MEX3C: variants seen among roughly 807,000 people sequenced by gnomAD.
MEX3C encodes the protein RNA-binding E3 ubiquitin-protein ligase MEX3C.
Under a neutral mutation model 35.5 loss-of-function variants are expected in MEX3C, and 15 were observed. The observed-to-expected ratio is 0.42, with a 90% confidence interval of 0.28 to 0.65. The LOEUF (loss-of-function observed/expected upper bound fraction) is 0.65, where lower values mean the gene tolerates loss of function less well. MEX3C is among the 30% of genes least tolerant of loss of function. The pLI is 0.20. For synonymous variants in MEX3C, 390 were observed against 352.8 expected (o/e 1.11, Z -1.18); for missense variants, 711 against 842.8 (o/e 0.84, Z 1.94).
intron 1 of MEX3C, among the ~76,000 whole-genome samples, chr18:51,191,899 A>C (rs17664213): frequency 0.36 from 54,196 of 152,050 alleles, 10,783 homozygotes; most frequent in Non-Finnish European, 0.45. Context: ...AGACTGTCAC[A>C]GGCAGTTTGG....
Position 51,197,024 on chromosome 18 carries a change from C to T in MEX3C, c.297G>A (p.Gly99=), listed in dbSNP as rs902158394. The T allele has an allele frequency of 3.9e-6, 6 of 1,519,974 alleles. No homozygotes were observed. The East Asian group carries it at 1.1e-4, about 27-fold the overall frequency. 94.2% of individuals were successfully genotyped at this position (1,519,974 alleles called of 1,614,324 possible). Residue 99 remains glycine, a synonymous_variant, in exon 1 of 2, where the codon GGG becomes GGA. Coordinates refer to ENST00000406189, the MANE Select transcript of MEX3C (RefSeq NM_016626.5). ...PEERAPPGRP[G]APEAAELELE... ...GCTCCAGCTCGGCCGCCTCCGGGGCCCCGGGCCGGCCGGGCGGAGCCCGCT... is the reference window on the plus strand; with the variant it reads ...GCTCCAGCTCGGCCGCCTCCGGGGCTCCGGGCCGGCCGGGCGGAGCCCGCT...
intron 1 of MEX3C, chr18:51,194,092 G>A (rs773488896): frequency 5.3e-5 from 8 of 152,236 alleles, no homozygotes; most frequent in Non-Finnish European, 1.0e-4. Context: ...ACTTAGGACA[G>A]ATTCTCTCCC....
intron 1 of MEX3C, among the ~76,000 whole-genome samples, chr18:51,179,254 C>T (rs186533570): frequency 1.8e-4 from 27 of 152,262 alleles, no homozygotes; most frequent in Non-Finnish European, 2.4e-4. Flanking sequence ...CTGCCTGCCT[C>T]GGCCTCCCAA....
chr18:51,186,103 A>C (rs1912531749), intron 1 of MEX3C, among the ~76,000 whole-genome samples: 1 of 152,186 alleles, frequency 6.6e-6, no homozygotes, highest in Admixed American at 6.5e-5. Context: ...GCATTTTATC[A>C]ATTGTGAGAT....
intron 1 of MEX3C, among the ~76,000 whole-genome samples, chr18:51,178,608 T>G (rs893262051): frequency 6.6e-6 from 1 of 152,000 alleles, no homozygotes; most frequent in Non-Finnish European, 1.5e-5. Context: ...CCCAGCACTT[T>G]GGGAGGGTGA....
At chr18:51,193,279 T>C (rs1301623926) in intron 1 of MEX3C, 4 of 152,150 alleles carry the variant, frequency 2.6e-5, no homozygotes, top group African/African-American at 9.7e-5. Context: ...ACATAGACCA[T>C]TAATTAAAGT....
intron 1 of MEX3C, among the ~76,000 whole-genome samples, chr18:51,187,711 AAAAAAC>A (rs1471355967): frequency 1.3e-5 from 2 of 152,136 alleles, no homozygotes; most frequent in Non-Finnish European, 2.9e-5. Context: ...TCCGTCTCAA[AAAAAAC>A]AAAAACAAAA....
chr18:51,181,890 T>C (rs1187301003), intron 1 of MEX3C, among the ~76,000 whole-genome samples: 1 of 152,206 alleles, frequency 6.6e-6, no homozygotes, highest in African/African-American at 2.4e-5. Context: ...AAATTAAATA[T>C]ACAGAAATGA....
At chr18:51,196,147 T>C (rs933149581) in intron 1 of MEX3C, 90 of 223,186 alleles carry the variant, frequency 4.0e-4, no homozygotes, top group Middle Eastern at 1.8e-3. Flanking sequence ...CAAGTTCTTG[T>C]AAGGGAGGCT....
At chr18:51,182,294 AG>A (rs1295183218) in intron 1 of MEX3C, among the ~76,000 whole-genome samples, 1 of 145,656 alleles carries the variant, frequency 6.9e-6, no homozygotes, top group Admixed American at 7.0e-5. Context: ...CTGTTGGATA[AG>A]GGGGGGACTA....
At position 51,176,958 on chromosome 18, in the gene MEX3C, T is replaced by C. The variant is rs1300884118; in HGVS notation, c.1373A>G (p.Tyr458Cys). Residue 458 changes from tyrosine to cysteine, a missense_variant, in exon 2 of 2, where the codon TAC (tyrosine) becomes TGC (cysteine). By Grantham distance (194) the Tyr-to-Cys change is radical (BLOSUM62 -2). This residue lies in a region of MEX3C where 187 missense variants were observed against 201.7 expected (regional missense o/e 0.93). Transcript: ENST00000406189. ...SSLGSGSTDS[Y>C]FGSNRLADFS... The stretch of plus-strand genomic sequence containing the variant: ...GTCAGCCAGCCTATTGCTTCCAAAG[T>C]AGGAATCTGTAGAGCCACTTCCTAG... 13 of 1,613,890 alleles carry C rather than the reference T, an allele frequency of 8.1e-6. No homozygotes were observed. Among genetic ancestry groups the C allele is most frequent in the Non-Finnish European group, 1.1e-5 (13 of 1,179,896 alleles).
chr18:51,182,182 G>A (rs988236741), intron 1 of MEX3C, among the ~76,000 whole-genome samples: 10 of 152,120 alleles, frequency 6.6e-5, no homozygotes, highest in African/African-American at 2.4e-4. Context: ...TAAATCAAAT[G>A]TTATCACAGG....
At chr18:51,193,148 GCA>G (rs1430523736) in intron 1 of MEX3C, 1 of 152,126 alleles carries the variant, frequency 6.6e-6, no homozygotes, top group Non-Finnish European at 1.5e-5. Flanking sequence ...AATATATTAA[GCA>G]CACTTACTAT....
At chr18:51,179,867 T>C (rs139060904) in intron 1 of MEX3C, among the ~76,000 whole-genome samples, 1 of 152,172 alleles carries the variant, frequency 6.6e-6, no homozygotes, top group Admixed American at 6.5e-5. Context: ...TATTCTATAC[T>C]CAGGGGAGTT....
intron 1 of MEX3C, among the ~76,000 whole-genome samples, chr18:51,190,423 C>T (rs1298539128): frequency 6.6e-6 from 1 of 152,196 alleles, no homozygotes; most frequent in Non-Finnish European, 1.5e-5. Flanking sequence ...ATTCCCTCCC[C>T]ACTTCCCCTT....
chr18:51,178,314 TTAAAA>T (rs1437919422), intron 1 of MEX3C, among the ~76,000 whole-genome samples: 2 of 151,938 alleles, frequency 1.3e-5, no homozygotes, highest in East Asian at 3.8e-4. Flanking sequence ...TATATTTAAG[TTAAAA>T]TAAAACATCT....
chr18:51,181,205 A>G (rs1270301241), intron 1 of MEX3C, among the ~76,000 whole-genome samples: 1 of 152,200 alleles, frequency 6.6e-6, no homozygotes, highest in Non-Finnish European at 1.5e-5. Flanking sequence ...GTATTTTTTA[A>G]GTTGCTACAT....
At chr18:51,183,357 G>A (rs1434274819) in intron 1 of MEX3C, among the ~76,000 whole-genome samples, 2 of 152,182 alleles carry the variant, frequency 1.3e-5, no homozygotes, top group African/African-American at 4.8e-5. Context: ...AACAGAAAAA[G>A]CACCATGTGA....
chr18:51,176,309 C>A lies in MEX3C; in HGVS notation c.*42G>T, dbSNP rs199718216. On this transcript the variant is annotated 3_prime_UTR_variant, in exon 2 of 2. Transcript: ENST00000406189. ...GGGTACCATTATACCCATGCCTTTA[C>A]GAGTCCATATAGAGATATAGTATTT... 6.6e-7 allele frequency: 1 copy of A among 1,505,278 alleles called. No individual in the cohort carries two copies. The highest frequency in any genetic ancestry group is 8.9e-7 in the Non-Finnish European group (1 of 1,119,648). The allele number at this position is 1,505,278 out of a possible 1,614,324, so 93.2% of individuals were successfully genotyped here. A position where few individuals can be genotyped will look rare whatever the true frequency, so the allele number is the denominator to read the frequency against.
Sources: gnomAD v4.1 joint callset for allele counts (sites outside exome capture counted in the v4.1 genomes callset) on GRCh38, gnomAD v4.1.1 for gene constraint, gnomAD v4.1.1 regional missense constraint, MANE v1.5 for transcripts, NCBI Gene and HGNC (gene_info 2026-07-23, HGNC 2026-07-21) for gene names.